The following CD160 variants were observed in gnomAD, a reference collection of about 807,000 sequenced individuals.
CD160 encodes CD160 molecule.
CD160 carries 11 observed loss-of-function variants against 19.2 expected under a neutral mutation model. The observed-to-expected ratio is 0.57, with a 90% CI of 0.36 to 0.95. The LOEUF (loss-of-function observed/expected upper bound fraction) is 0.95, where lower values mean the gene tolerates loss of function less well. CD160 is among the 40% of genes least tolerant of loss of function. The pLI is 0.01. For synonymous variants in CD160, 75 were observed against 81.1 expected (o/e 0.93, Z 0.40); for missense variants, 182 against 213.2 (o/e 0.85, Z 0.91).
chr1:145,727,820 G>C (rs1553708586), intron 2 of CD160, among the ~76,000 whole-genome samples: 3 of 152,070 alleles, frequency 2.0e-5, no homozygotes. Context: ...ACATAAAGCA[G>C]GTCTAATTTT....
At chr1:145,735,354 G>A (rs1020385334) in intron 4 of CD160, among the ~76,000 whole-genome samples, 2 of 152,134 alleles carry the variant, frequency 1.3e-5, no homozygotes, top group African/African-American at 4.8e-5. Flanking sequence ...GGGAGGCCAA[G>A]GCAGGTGCAT....
Position 145,730,935 on chromosome 1 carries a change from G to C in CD160, c.265G>C (p.Gly89Arg), listed in dbSNP as rs1481445048. The C allele has an allele frequency of 6.2e-7, 1 of 1,614,062 alleles. No homozygotes were observed. Among genetic ancestry groups the C allele is most frequent in the African/African-American group, 1.3e-5 (1 of 75,038 alleles). Residue 89 changes from glycine (G) to arginine (R), a missense_variant, in exon 4 of 6, where the codon GGT becomes CGT. By Grantham distance (125) the Gly-to-Arg change is moderately radical. Coordinates refer to ENST00000369288, the MANE Select transcript of CD160 (RefSeq NM_007053.4). ...AAGGGATCCTGGGATAGATGGTGTT[G>C]GTGAAATATCATCTCAGTTGATGTT... ...LKRDPGIDGVGEISSQLMFTI... is the reference protein window; with the variant it reads ...LKRDPGIDGVREISSQLMFTI...
chr1:145,728,114 A>C, intron 2 of CD160, 142 bp from the exon 3 acceptor site: 2 of 519,220 alleles, frequency 3.9e-6, no homozygotes, highest in Non-Finnish European at 3.5e-6. Flanking sequence ...TTACCGCCTC[A>C]CTTCCCAGCC....
rs1657172385 is a variant in CD160, at chr1:145,728,914, C to T, written c.73+514C>T. On this transcript the variant is annotated intron_variant, in intron 3 of 5. Coordinates refer to ENST00000369288, the MANE Select transcript of CD160 (RefSeq NM_007053.4). ...CAATCTGCGCCTCAACCTAAGATTC[C>T]TTTAGGCTCTTATATACTATAAATT... Among the ~76,000 whole-genome samples, 3 of 152,222 alleles carry T rather than the reference C, an allele frequency of 2.0e-5. 1 individual carries two copies. Among genetic ancestry groups the T allele is most frequent in the South Asian group, 4.1e-4 (2 of 4,822 alleles).
chr1:145,734,971 G>T (rs781878773), intron 4 of CD160, among the ~76,000 whole-genome samples: 3 of 152,062 alleles, frequency 2.0e-5, no homozygotes, highest in South Asian at 2.1e-4. Flanking sequence ...GCCGAGTGTG[G>T]TAGCACGCAC....
chr1:145,738,705 C>T lies in CD160; in HGVS notation c.*212C>T, dbSNP rs1423722077. The T allele has an allele frequency of 5.3e-6, 2 of 380,246 alleles. No individual in the cohort carries two copies. Among genetic ancestry groups the T allele is most frequent in the Admixed American group, 4.5e-5 (1 of 22,014 alleles). The allele number at this position is 380,246 out of a possible 1,614,324, so 23.6% of individuals were successfully genotyped here. A position where few individuals can be genotyped will look rare whatever the true frequency, so the allele number is the denominator to read the frequency against. Reference sequence around the variant, plus strand: ...CTCACCATCAGGGCAAACTTGCCTTCTTCCCTCCTAAGCTCCAGTAAATAA... The same window carrying T: ...CTCACCATCAGGGCAAACTTGCCTTTTTCCCTCCTAAGCTCCAGTAAATAA... On this transcript the variant is annotated 3_prime_UTR_variant, in exon 6 of 6. Coordinates refer to ENST00000369288, the MANE Select transcript of CD160 (RefSeq NM_007053.4).
At position 145,730,798 on chromosome 1, in the gene CD160, T is replaced by A. The variant is rs782411888; in HGVS notation, c.128T>A (p.Ile43Asn). 4 of 1,614,128 alleles carry A rather than the reference T, an allele frequency of 2.5e-6. No individual in the cohort carries two copies. The East Asian group carries it at 8.9e-5, about 36-fold the overall frequency. ...ASQEGTRLNL[I>N]CTVWHKKEEA... ...CAGGAAGGAACGCGACTAAACTTAA[T>A]CTGTACTGTATGGCATAAGAAAGAA... The change falls in exon 4 of 6, where the codon ATC becomes AAC. Residue 43 changes from isoleucine (I) to asparagine (N), a missense_variant. Ile to Asn is a moderately radical substitution (Grantham distance 149, BLOSUM62 -3). Transcript: ENST00000369288.
At position 145,723,056 on chromosome 1, in the gene CD160, C is replaced by T. The variant is rs1032622849; in HGVS notation, c.-178-1745C>T. On this transcript the variant is annotated intron_variant, in intron 1 of 5. Coordinates refer to ENST00000369288, the MANE Select transcript of CD160 (RefSeq NM_007053.4). ...TTTTATTCATTTATCCTCTTTGTCA[C>T]TTAATATTCCATGTTTCAAGAGTCA... 9.2e-5 allele frequency among the ~76,000 whole-genome samples: 14 copies of T among 152,170 alleles called. No homozygotes were observed. The East Asian group carries it at 1.5e-3, about 17-fold the overall frequency.
At chr1:145,719,901 C>T (rs782699595) in intron 1 of CD160, among the ~76,000 whole-genome samples, 3 of 152,222 alleles carry the variant, frequency 2.0e-5, no homozygotes, top group Non-Finnish European at 2.9e-5. Flanking sequence ...GGGCTTGGAG[C>T]TGGCCCTGTG....
intron 4 of CD160, among the ~76,000 whole-genome samples, chr1:145,734,949 A>C (rs1437938997): frequency 6.6e-6 from 1 of 152,064 alleles, no homozygotes; most frequent in Non-Finnish European, 1.5e-5. Context: ...TCTACTAAAA[A>C]TACAAAAAAT....
chr1:145,730,892 A>T lies in CD160; in HGVS notation c.222A>T (p.Leu74Phe). The T allele has an allele frequency of 6.2e-7, 1 of 1,614,188 alleles. No individual in the cohort carries two copies. Among genetic ancestry groups the T allele is most frequent in the East Asian group, 2.2e-5 (1 of 44,882 alleles). Residue 74 changes from leucine (L) to phenylalanine (F), a missense_variant, in exon 4 of 6, where the codon TTA becomes TTT. Leu to Phe is a conservative substitution (Grantham distance 22). Transcript: ENST00000369288. ...RSGDCSPETSLKQLRLKRDPG... is the reference protein window; with the variant it reads ...RSGDCSPETSFKQLRLKRDPG... ...GAGACTGTTCTCCTGAGACCAGTTT[A>T]AAACAGCTGAGACTTAAAAGGGATC...
chr1:145,731,228 G>A (rs587661122), intron 4 of CD160, among the ~76,000 whole-genome samples, 158 bp downstream of exon 4: 33 of 152,246 alleles, frequency 2.2e-4, no homozygotes, highest in African/African-American at 4.6e-4. Context: ...TCTTCAAAGC[G>A]CACACACAAA....
chr1:145,727,226 C>G (rs782462951), intron 2 of CD160, among the ~76,000 whole-genome samples: 4 of 151,804 alleles, frequency 2.6e-5, no homozygotes, highest in Non-Finnish European at 5.9e-5. Flanking sequence ...TTGCAATTTG[C>G]CCTTTTTGAC....
chr1:145,737,576 A>C (rs1237595638), intron 5 of CD160: 1 of 152,246 alleles, frequency 6.6e-6, no homozygotes, highest in Non-Finnish European at 1.5e-5. Context: ...AAACATGAAT[A>C]TGAAACAGTC....
chr1:145,736,317 G>T, intron 5 of CD160, 183 bp downstream of exon 5: 1 of 1,526,878 alleles, frequency 6.5e-7, no homozygotes. Flanking sequence ...AGGCACTAAG[G>T]AGGAAGACAG....
intron 1 of CD160, among the ~76,000 whole-genome samples, chr1:145,721,826 CA>C (rs1336792663): frequency 1.3e-5 from 2 of 152,214 alleles, no homozygotes; most frequent in Admixed American, 6.5e-5. Flanking sequence ...TGCCATCTTG[CA>C]GCCTTTCCAC....
At chr1:145,737,465 T>C (rs782044001) in intron 5 of CD160, 5 of 152,146 alleles carry the variant, frequency 3.3e-5, no homozygotes, top group African/African-American at 9.7e-5. Flanking sequence ...TATTTGCAAG[T>C]CATCAAAAGA....
chr1:145,736,378 G>A, intron 5 of CD160: 1 of 1,124,934 alleles, frequency 8.9e-7, no homozygotes, highest in South Asian at 1.6e-5. Context: ...AGGAATGAAG[G>A]CCTGTGAGAG....
chr1:145,725,969 A>G (rs1657037591), intron 2 of CD160, among the ~76,000 whole-genome samples: 1 of 152,206 alleles, frequency 6.6e-6, no homozygotes, highest in Non-Finnish European at 1.5e-5. Context: ...TATGAAATTA[A>G]TATCTAGTAA....
Sources: allele counts gnomAD v4.1 joint callset (sites outside exome capture counted in the v4.1 genomes callset), GRCh38; gene constraint gnomAD v4.1.1; transcripts MANE v1.5; gene names NCBI Gene and HGNC (gene_info 2026-07-23, HGNC 2026-07-21).